CEP63: variants seen among roughly 807,000 people sequenced by gnomAD.
CEP63 encodes the protein centrosomal protein 63, also known as centrosomal protein of 63 kDa.
A neutral mutation model predicts 89.1 loss-of-function variants in CEP63; 84 were observed. The ratio of observed to expected loss-of-function variants is 0.94; its 90% CI spans 0.79 to 1.13. The LOEUF (loss-of-function observed/expected upper bound fraction) is 1.13. Among genes scored for constraint, CEP63 ranks in the 50% most tolerant of loss-of-function variants. The probability of loss-of-function intolerance (pLI) is 0.00; values close to 1 mark genes in which losing one functional copy is unlikely to be tolerated. For missense variants in CEP63, 838 were observed against 813.3 expected (o/e 1.03, Z -0.37); for synonymous variants, 267 against 272.5 (o/e 0.98, Z 0.20).
the CEP63 span, among the ~76,000 whole-genome samples, chr3:134,730,402 C>T: frequency 1.3e-5 from 2 of 152,090 alleles, no homozygotes; most frequent in African/African-American, 4.8e-5. Flanking sequence ...CTGGTTGTAA[C>T]AATAACATAA....
the CEP63 span, among the ~76,000 whole-genome samples, chr3:134,653,536 A>G: frequency 6.6e-6 from 1 of 152,148 alleles, no homozygotes; most frequent in Admixed American, 6.5e-5. Context: ...TGCCAACTCT[A>G]TTCCCATCCT....
At chr3:134,660,529 A>G in the CEP63 span, among the ~76,000 whole-genome samples, 2 of 152,242 alleles carry the variant, frequency 1.3e-5, no homozygotes, top group Admixed American at 6.5e-5. Flanking sequence ...TTTGCCCCCA[A>G]GGATAGGCAG....
the CEP63 span, among the ~76,000 whole-genome samples, chr3:134,602,469 G>A: frequency 6.6e-6 from 1 of 152,170 alleles, no homozygotes; most frequent in African/African-American, 2.4e-5. Flanking sequence ...CTCCGAGACA[G>A]GCACAAAAGC....
chr3:134,581,679 A>ATTTTTTTTTTTT lies in CEP63; in HGVS notation c.1207-5776_1207-5765dup, dbSNP rs1231214008. ...CTCAATACACATTCATGATGAAAAC[A>ATTTTTTTTTTTT]TTTTTTTTTTTTTTGAGACGGAGTC... On this transcript the variant is annotated intron_variant, in intron 10 of 10. Coordinates refer to the CEP63 transcript ENST00000683931. 6.2e-3 allele frequency among the ~76,000 whole-genome samples: 768 copies of ATTTTTTTTTTTT among 124,138 alleles called. 61 individuals carry two copies. The highest frequency in any genetic ancestry group is 0.022 in the African/African-American group (688 of 30,876). 81.4% of individuals were successfully genotyped at this position (124,138 alleles called of 152,430 possible). A position where few individuals can be genotyped will look rare whatever the true frequency, so the allele number is the denominator to read the frequency against.
the CEP63 span, among the ~76,000 whole-genome samples, chr3:134,660,674 G>A: frequency 2.0e-5 from 3 of 152,160 alleles, no homozygotes; most frequent in African/African-American, 7.2e-5. Flanking sequence ...AGGAGCTCTC[G>A]ATTTAGTGAG....
the CEP63 span, among the ~76,000 whole-genome samples, chr3:134,627,098 T>G: frequency 6.6e-6 from 1 of 152,212 alleles, no homozygotes; most frequent in African/African-American, 2.4e-5. Context: ...CTTTCTTGGT[T>G]CCATTTTCCA....
chr3:134,651,110 T>A, the CEP63 span: 1 of 1,510,874 alleles, frequency 6.6e-7, no homozygotes, highest in Middle Eastern at 1.9e-4. Context: ...AGGGCGCTGC[T>A]TTTCGCTGAC....
At chr3:134,774,394 G>A in the CEP63 span, among the ~76,000 whole-genome samples, 1 of 152,184 alleles carries the variant, frequency 6.6e-6, no homozygotes. Context: ...GTAACAAAGA[G>A]TAAAATTGCC....
At chr3:134,643,504 T>C in the CEP63 span, 10 of 699,174 alleles carry the variant, frequency 1.4e-5, no homozygotes, top group Non-Finnish European at 2.0e-5. Context: ...CAGGCCTAAA[T>C]GTGTGCACAC....
the CEP63 span, among the ~76,000 whole-genome samples, chr3:134,768,671 A>C: frequency 2.6e-5 from 4 of 152,246 alleles, no homozygotes; most frequent in African/African-American, 4.8e-5. Context: ...GCACTACTAA[A>C]TAAGCAGGCT....
rs865951150 is a variant in CEP63 at position 134,557,387 on chromosome 3, T to G, written c.1468-755T>G. Among the ~76,000 whole-genome samples, 198 of 113,664 alleles carry G rather than the reference T, an allele frequency of 1.7e-3. 3 individuals are homozygous for G. The highest frequency in any genetic ancestry group is 5.6e-3 in the Middle Eastern group (1 of 180). The allele number at this position is 113,664 out of a possible 152,430, so 74.6% of individuals were successfully genotyped here. A position where few individuals can be genotyped will look rare whatever the true frequency, so the allele number is the denominator to read the frequency against. On this transcript the variant is annotated intron_variant, in intron 12 of 14. Coordinates refer to ENST00000675561, the MANE Select transcript of CEP63 (RefSeq NM_001353108.3). ...TACTTTCATAATTTGTTTTTTTTTT[T>G]TTTTTTTTTTTTTTTTTACAGAAAA...
chr3:134,738,440 G>T, the CEP63 span, among the ~76,000 whole-genome samples: 1 of 152,234 alleles, frequency 6.6e-6, no homozygotes, highest in Admixed American at 6.5e-5. Flanking sequence ...TGGATCAAAT[G>T]GTAGTCCTAC....
the CEP63 span, among the ~76,000 whole-genome samples, chr3:134,756,209 G>T: frequency 1.1e-4 from 17 of 152,338 alleles, no homozygotes; most frequent in African/African-American, 4.1e-4. Context: ...CTGAGTTCAG[G>T]TTAAGATTGG....
chr3:134,610,095 C>G, the CEP63 span: 1 of 1,310,200 alleles, frequency 7.6e-7, no homozygotes, highest in Non-Finnish European at 1.1e-6. Flanking sequence ...GGCTCTCCTT[C>G]CCCTCCCGCT....
intron 6 of CEP63, among the ~76,000 whole-genome samples, chr3:134,543,604 G>C (rs1420417949): frequency 6.6e-6 from 1 of 152,200 alleles, no homozygotes; most frequent in Non-Finnish European, 1.5e-5. Context: ...GATTTGAGTT[G>C]ATAGTGTTAG....
chr3:134,781,607 C>T, the CEP63 span, among the ~76,000 whole-genome samples: 2 of 152,134 alleles, frequency 1.3e-5, no homozygotes, highest in African/African-American at 4.8e-5. Context: ...CATTTACCCA[C>T]GTAACAAACC....
At chr3:134,742,198 CCTCT>C in the CEP63 span, among the ~76,000 whole-genome samples, 1 of 152,164 alleles carries the variant, frequency 6.6e-6, no homozygotes, top group Non-Finnish European at 1.5e-5. Flanking sequence ...AGCTACTACT[CCTCT>C]CTCTTCTACT....
At chr3:134,512,178 T>C (rs531380045) in intron 3 of CEP63, among the ~76,000 whole-genome samples, 2 of 152,364 alleles carry the variant, frequency 1.3e-5, no homozygotes, top group East Asian at 3.9e-4. Flanking sequence ...ATACTTGATT[T>C]ACACTCTGCC....
chr3:134,650,978 G>A, the CEP63 span: 1 of 1,612,732 alleles, frequency 6.2e-7, no homozygotes, highest in Non-Finnish European at 8.5e-7. Flanking sequence ...CCTCCTTTCC[G>A]ACCTGGGCGC....
Sources: gnomAD v4.1 joint callset for allele counts (sites outside exome capture counted in the v4.1 genomes callset) on GRCh38, gnomAD v4.1.1 for gene constraint, MANE v1.5 for transcripts, NCBI Gene and HGNC (gene_info 2026-07-23, HGNC 2026-07-21) for gene names.